Variants in MAML3 observed in about 807,000 individuals in gnomAD.
MAML3 encodes the protein mastermind like transcriptional coactivator 3, also known as mastermind-like protein 3.
Under a neutral mutation model 101.9 loss-of-function variants are expected in MAML3, and 27 were observed. The observed-to-expected ratio is 0.27, with a 90% confidence interval of 0.20 to 0.37. The LOEUF (loss-of-function observed/expected upper bound fraction) is 0.37. Among genes scored for constraint, MAML3 ranks in the 10% least tolerant of loss-of-function variants. The probability of loss-of-function intolerance (pLI) is 1.00; values close to 1 mark genes in which losing one functional copy is unlikely to be tolerated. For synonymous variants in MAML3, 501 were observed against 555.9 expected (o/e 0.90, Z 1.39); for missense variants, 1,316 against 1,444.9 (o/e 0.91, Z 1.45).
At chr4:139,818,650 G>A (rs1039519873) in intron 2 of MAML3, among the ~76,000 whole-genome samples, 6 of 152,192 alleles carry the variant, frequency 3.9e-5, no homozygotes, top group African/African-American at 1.4e-4. Flanking sequence ...TTGTCAGAAC[G>A]AAGGAAGTTG....
intron 2 of MAML3, among the ~76,000 whole-genome samples, chr4:139,758,332 G>C (rs1729694019): frequency 6.6e-6 from 1 of 152,278 alleles, no homozygotes; most frequent in Non-Finnish European, 1.5e-5. Flanking sequence ...AGTATACGTT[G>C]CTGTGTAAAG....
At chr4:140,076,844 G>A (rs536188014) in intron 1 of MAML3, among the ~76,000 whole-genome samples, 5 of 152,158 alleles carry the variant, frequency 3.3e-5, no homozygotes, top group Admixed American at 2.6e-4. Context: ...ATCTTATCTC[G>A]TTTTTGTTTT....
chr4:139,900,733 G>A (rs982187532), intron 1 of MAML3, among the ~76,000 whole-genome samples: 9 of 152,188 alleles, frequency 5.9e-5, no homozygotes, highest in African/African-American at 1.2e-4. Context: ...CAAATCTCAC[G>A]TAGTTTTCAG....
chr4:140,033,296 T>C (rs985370397), intron 1 of MAML3, among the ~76,000 whole-genome samples: 5 of 152,056 alleles, frequency 3.3e-5, no homozygotes. Flanking sequence ...ATAGAGGCCG[T>C]AATTAATTTC....
chr4:139,996,508 TATTATGAAATATCAATA>T (rs1391656777), intron 1 of MAML3, among the ~76,000 whole-genome samples: 1 of 152,192 alleles, frequency 6.6e-6, no homozygotes, highest in Admixed American at 6.5e-5. Flanking sequence ...ATCCTTTAAT[TATTATGAAATATCAATA>T]ATTATGAAAT....
intron 1 of MAML3, among the ~76,000 whole-genome samples, chr4:140,027,769 T>C (rs1434149021): frequency 2.0e-5 from 3 of 152,210 alleles, no homozygotes; most frequent in African/African-American, 7.2e-5. Flanking sequence ...CAATTTGAAT[T>C]CATTTTCTGA....
chr4:139,944,293 A>G (rs1733665411), intron 1 of MAML3, among the ~76,000 whole-genome samples: 1 of 152,088 alleles, frequency 6.6e-6, no homozygotes, highest in South Asian at 2.1e-4. Flanking sequence ...CTCGTCATCT[A>G]GCATTAGGTA....
intron 1 of MAML3, among the ~76,000 whole-genome samples, chr4:139,973,079 T>G (rs1196327951): frequency 6.6e-6 from 1 of 152,232 alleles, no homozygotes; most frequent in Non-Finnish European, 1.5e-5. Flanking sequence ...AGCTGTTGGA[T>G]GACTACTTAG....
rs368021127 is a variant in MAML3 at position 140,038,473 on chromosome 4, TTA to T, written c.468+114385_468+114386del. ...CTTTTTTCTCTACTGGTGGCAAGGA[TTA>T]TATGTTTTCCTTCCCTGACTTCCTA... On this transcript the variant is annotated intron_variant, in intron 1 of 4. Transcript: ENST00000509479. Among the ~76,000 whole-genome samples the T allele has an allele frequency of 1.4e-3, 213 of 152,320 alleles. 2 individuals are homozygous for T. Among genetic ancestry groups the T allele is most frequent in the African/African-American group, 4.8e-3 (201 of 41,568 alleles).
At chr4:139,805,481 A>G (rs1027054489) in intron 2 of MAML3, among the ~76,000 whole-genome samples, 2 of 152,220 alleles carry the variant, frequency 1.3e-5, no homozygotes, top group African/African-American at 2.4e-5. Flanking sequence ...TAAAAATGCC[A>G]CTTTGCAATG....
Position 139,908,983 on chromosome 4 carries a change from C to T in MAML3, c.469-18016G>A, listed in dbSNP as rs149957403. ...TCACAGAAATACATTATGCGAAGTA[C>T]GCCCTGAATCACATTTAGCAATTTC... On this transcript the variant is annotated intron_variant, in intron 1 of 4. Coordinates refer to ENST00000509479, the MANE Select transcript of MAML3 (RefSeq NM_018717.5). Among the ~76,000 whole-genome samples the T allele has an allele frequency of 5.9e-5, 9 of 152,326 alleles. No individual in the cohort carries two copies. The East Asian group carries it at 7.7e-4, about 13-fold the overall frequency.
intron 1 of MAML3, among the ~76,000 whole-genome samples, chr4:139,928,828 T>C (rs1364519404): frequency 6.6e-6 from 1 of 151,398 alleles, no homozygotes; most frequent in Non-Finnish European, 1.5e-5. Flanking sequence ...CTGTCAGGAG[T>C]GACACAGTGG....
At chr4:139,980,600 C>A (rs10519515) in intron 1 of MAML3, among the ~76,000 whole-genome samples, 86,700 of 151,944 alleles carry the variant, frequency 0.57, 25,773 homozygotes, top group East Asian at 0.91. Context: ...GTCTAATGAT[C>A]GAGTTAAGTT....
intron 1 of MAML3, among the ~76,000 whole-genome samples, chr4:139,928,428 C>T (rs1358477683): frequency 6.6e-6 from 1 of 152,088 alleles, no homozygotes; most frequent in African/African-American, 2.4e-5. Context: ...TAAAAGAATA[C>T]AGAGAGTAAG....
intron 1 of MAML3, among the ~76,000 whole-genome samples, chr4:139,985,999 G>A (rs890303342): frequency 6.6e-6 from 1 of 152,240 alleles, no homozygotes; most frequent in African/African-American, 2.4e-5. Context: ...GGCTTCCCAA[G>A]TTCACTAGGA....
At chr4:140,052,535 C>CTT (rs397878543) in intron 1 of MAML3, among the ~76,000 whole-genome samples, 10 of 136,202 alleles carry the variant, frequency 7.3e-5, no homozygotes, top group African/African-American at 1.3e-4. Context: ...CCATATATTT[C>CTT]TTTTTTTTTT....
At chr4:140,081,561 G>C (rs1578675197) in intron 1 of MAML3, among the ~76,000 whole-genome samples, 2 of 152,214 alleles carry the variant, frequency 1.3e-5, no homozygotes, top group African/African-American at 2.4e-5. Context: ...AGAGCACTGG[G>C]ATTGGCTGAG....
intron 1 of MAML3, among the ~76,000 whole-genome samples, chr4:140,110,474 C>T (rs1259512013): frequency 6.6e-6 from 1 of 152,126 alleles, no homozygotes; most frequent in East Asian, 1.9e-4. Flanking sequence ...CCTGACTGTC[C>T]GGCATTTGCA....
At chr4:140,022,726 T>C (rs1726751525) in intron 1 of MAML3, among the ~76,000 whole-genome samples, 1 of 152,198 alleles carries the variant, frequency 6.6e-6, no homozygotes, top group Admixed American at 6.5e-5. Flanking sequence ...AGACAAAATA[T>C]GCCCATCTCT....
Sources: allele counts gnomAD v4.1 joint callset (sites outside exome capture counted in the v4.1 genomes callset), GRCh38; gene constraint gnomAD v4.1.1; transcripts MANE v1.5; gene names NCBI Gene and HGNC (gene_info 2026-07-23, HGNC 2026-07-21).